Variants in PCDHA6 observed in about 807,000 individuals in gnomAD.
The protein encoded by PCDHA6 is protocadherin alpha-6.
PCDHA6 carries 55 observed loss-of-function variants against 60.3 expected under a neutral mutation model. The ratio of observed to expected loss-of-function variants is 0.91; its 90% CI spans 0.73 to 1.14. The LOEUF (loss-of-function observed/expected upper bound fraction) is 1.14. Among genes scored for constraint, PCDHA6 ranks in the 50% most tolerant of loss-of-function variants. The pLI is 0.00. For synonymous variants in PCDHA6, 652 were observed against 557.9 expected (o/e 1.17, Z -2.38); for missense variants, 1,327 against 1,256.5 (o/e 1.06, Z -0.85).
chr5:140,941,225 T>TTC (rs2092914120), intron 1 of PCDHA6, among the ~76,000 whole-genome samples: 17 of 138,026 alleles, frequency 1.2e-4, no homozygotes, highest in African/African-American at 4.7e-4. Context: ...CTTTCTTTCT[T>TTC]TCTTTCTTTC....
At chr5:140,833,468 A>G (rs1554133857) in intron 1 of PCDHA6, among the ~76,000 whole-genome samples, 1 of 152,220 alleles carries the variant, frequency 6.6e-6, no homozygotes, top group African/African-American at 2.4e-5. Context: ...CTTACATTTT[A>G]AAAGAAATAA....
chr5:140,964,847 C>T (rs2095858231), intron 1 of PCDHA6, among the ~76,000 whole-genome samples: 1 of 152,124 alleles, frequency 6.6e-6, no homozygotes, highest in African/African-American at 2.4e-5. Flanking sequence ...ACTCTGTACC[C>T]TTGAGGAAAC....
chr5:140,919,231 C>T (rs984376374), intron 1 of PCDHA6, among the ~76,000 whole-genome samples: 1 of 152,160 alleles, frequency 6.6e-6, no homozygotes, highest in Admixed American at 6.6e-5. Context: ...TCTAGTAACA[C>T]TTTTTGTCTT....
chr5:140,871,420 C>G (rs1193380487), intron 1 of PCDHA6: 1 of 1,613,620 alleles, frequency 6.2e-7, no homozygotes, highest in Non-Finnish European at 8.5e-7. Context: ...GGCCTTCAGC[C>G]CCAGTCTTCC....
chr5:140,852,930 G>C (rs1581296305), intron 1 of PCDHA6: 3 of 621,568 alleles, frequency 4.8e-6, no homozygotes, highest in Admixed American at 1.3e-4. Context: ...CCAGGCTGGA[G>C]TGCAGTGGTG....
At chr5:140,875,760 C>T (rs781811926) in intron 1 of PCDHA6, 8 of 1,614,080 alleles carry the variant, frequency 5.0e-6, no homozygotes, top group Non-Finnish European at 5.9e-6. Context: ...AGAAGCTGTG[C>T]GGGCGGAGCG....
At chr5:140,842,190 T>C (rs2150331409) in intron 1 of PCDHA6, 1 of 1,613,858 alleles carries the variant, frequency 6.2e-7, no homozygotes, top group East Asian at 2.2e-5. Context: ...ACTATGGTTA[T>C]TGACCACTTT....
intron 1 of PCDHA6, among the ~76,000 whole-genome samples, chr5:140,903,933 A>G (rs1348730153): frequency 1.3e-5 from 2 of 152,220 alleles, no homozygotes; most frequent in East Asian, 1.9e-4. Context: ...ATTGGATAAT[A>G]CCTCTTAAAT....
At chr5:140,999,806 A>G (rs1230100139) in intron 3 of PCDHA6, among the ~76,000 whole-genome samples, 1 of 152,152 alleles carries the variant, frequency 6.6e-6, no homozygotes, top group African/African-American at 2.4e-5. Context: ...TTTGGGCACA[A>G]AGCAAGAGCT....
intron 1 of PCDHA6, among the ~76,000 whole-genome samples, chr5:140,949,916 A>G (rs1350647225): frequency 6.6e-6 from 1 of 150,834 alleles, no homozygotes; most frequent in African/African-American, 2.4e-5. Flanking sequence ...AGATATAACT[A>G]TTTTTAGATT....
rs2150184699 is a variant in PCDHA6, at chr5:140,830,304, C to G, written c.2213C>G (p.Thr738Arg). Residue 738 changes from threonine (T) to arginine (R), a missense_variant, in exon 1 of 4, where the codon ACG (threonine) becomes AGG (arginine). Transcript: ENST00000529310. ...GGCGCGTGCACGGCGGACAAGCCCA[C>G]GCTGGTGTGCTCCAGCGCAGTGGGG... is the stretch of plus-strand genomic sequence containing the variant. The part of the protein sequence containing the change: ...TEGACTADKP[T>R]LVCSSAVGSW... 14 of 1,613,942 alleles carry G rather than the reference C, an allele frequency of 8.7e-6. No individual in the cohort carries two copies. Among genetic ancestry groups the G allele is most frequent in the Non-Finnish European group, 1.1e-5 (13 of 1,179,908 alleles).
At chr5:140,835,978 A>C in intron 1 of PCDHA6, 1 of 1,613,378 alleles carries the variant, frequency 6.2e-7, no homozygotes, top group Non-Finnish European at 8.5e-7. Context: ...GAGCTGTTGC[A>C]GTTCCAGGTG....
chr5:140,875,816 A>C lies in PCDHA6; in HGVS notation c.2394+45331A>C, dbSNP rs570265935. On this transcript the variant is annotated intron_variant, in intron 1 of 3. Coordinates refer to ENST00000529310, the MANE Select transcript of PCDHA6 (RefSeq NM_018909.4). ...GAGGTGATCGTGGACAGGCCGCTGC[A>C]GGTTTTCCATGTGGACGTGGAGGTG... is the stretch of plus-strand genomic sequence containing the variant. 24 of 1,614,198 alleles carry C rather than the reference A, an allele frequency of 1.5e-5. No individual in the cohort carries two copies. The South Asian group carries it at 2.6e-4, about 18-fold the overall frequency.
chr5:140,871,002 G>C, intron 1 of PCDHA6: 1 of 1,613,384 alleles, frequency 6.2e-7, no homozygotes, highest in Non-Finnish European at 8.5e-7. Context: ...TAAGCACAAC[G>C]CGTGCCCTGG....
chr5:140,916,621 C>T (rs1031371866), intron 1 of PCDHA6, among the ~76,000 whole-genome samples: 8 of 152,200 alleles, frequency 5.3e-5, no homozygotes, highest in Non-Finnish European at 1.2e-4. Flanking sequence ...TGACTCTACT[C>T]AATGCCCTAT....
rs1483756278 is a variant in PCDHA6, at chr5:140,982,223, T to TA, written c.2454-246dup. On this transcript the variant is annotated intron_variant, in intron 2 of 3. Transcript: ENST00000529310. Reference sequence around the variant, plus strand: ...TTTAGTGAGCGCCACATGGCGTTAATAAAAAACAGAATTGCCATAAAGATA... The same window carrying TA: ...TTTAGTGAGCGCCACATGGCGTTAATAAAAAAACAGAATTGCCATAAAGATA... 8.6e-6 allele frequency: 5 copies of TA among 580,096 alleles called. No homozygotes were observed. In the East Asian group the frequency reaches 1.2e-4, roughly 14 times the overall value. The allele number at this position is 580,096 out of a possible 1,614,324, so 35.9% of individuals were successfully genotyped here. A position where few individuals can be genotyped will look rare whatever the true frequency, so the allele number is the denominator to read the frequency against.
Position 141,009,935 on chromosome 5 carries a change from T to TGAG in PCDHA6, c.2853_*2dup. Reference sequence around the variant, plus strand: ...CAGCACGACTGACAACAGTGACCAGTGAGGTCCTCAAATGGAAACAAGCCA... The same window carrying TGAG: ...CAGCACGACTGACAACAGTGACCAGTGAGGAGGTCCTCAAATGGAAACAAGCCA... On this transcript the variant is annotated inframe_insertion and stop_retained_variant, in exon 4 of 4. Transcript: ENST00000529310. 6.2e-7 allele frequency: 1 copy of TGAG among 1,602,418 alleles called. No individual in the cohort carries two copies. The highest frequency in any genetic ancestry group is 8.5e-7 in the Non-Finnish European group (1 of 1,176,054).
chr5:140,876,792 A>C, intron 1 of PCDHA6: 1 of 1,614,116 alleles, frequency 6.2e-7, no homozygotes, highest in East Asian at 2.2e-5. Flanking sequence ...CCACGGCTAG[A>C]GTGTCCGTGG....
chr5:140,835,566 T>G, intron 1 of PCDHA6: 1 of 1,613,930 alleles, frequency 6.2e-7, no homozygotes, highest in African/African-American at 1.3e-5. Flanking sequence ...CCGCGTTCCC[T>G]TCAAGTTGGT....
Sources: allele counts gnomAD v4.1 joint callset (sites outside exome capture counted in the v4.1 genomes callset), GRCh38; gene constraint gnomAD v4.1.1; transcripts MANE v1.5; gene names NCBI Gene and HGNC (gene_info 2026-07-23, HGNC 2026-07-21).